The following MYO1B variants were observed in gnomAD, a reference collection of about 807,000 sequenced individuals.
MYO1B encodes the protein myosin IB, also known as unconventional myosin-Ib.
In MYO1B, 72 loss-of-function variants were observed where a neutral mutation model predicts 159.7. The ratio of observed to expected loss-of-function variants is 0.45; its 90% CI spans 0.37 to 0.55. MYO1B has a LOEUF of 0.55. Among genes scored for constraint, MYO1B ranks in the 20% least tolerant of loss-of-function variants. The pLI, the probability that MYO1B is intolerant of heterozygous loss-of-function variation, is 0.00. For missense variants in MYO1B, 1,062 were observed against 1,364.8 expected (o/e 0.78, Z 3.50); for synonymous variants, 468 against 473.8 (o/e 0.99, Z 0.16).
At chr2:191,259,102 G>A (rs1354969885) in intron 1 of MYO1B, among the ~76,000 whole-genome samples, 1 of 152,232 alleles carries the variant, frequency 6.6e-6, no homozygotes, top group Non-Finnish European at 1.5e-5. Flanking sequence ...GCAGCAGCTT[G>A]TGCATGGTGA....
chr2:191,414,225 T>C (rs1014691721), intron 28 of MYO1B, 45 bp downstream of exon 28: 1 of 1,571,704 alleles, frequency 6.4e-7, no homozygotes, highest in Non-Finnish European at 8.6e-7. Context: ...ACCTATTAGT[T>C]GGGATAGTCA....
chr2:191,361,478 AAAG>A (rs1037074229), intron 8 of MYO1B, among the ~76,000 whole-genome samples: 14 of 152,062 alleles, frequency 9.2e-5, no homozygotes, highest in African/African-American at 3.4e-4. Context: ...CAAATAGTTC[AAAG>A]AAGAAGAGCT....
chr2:191,318,742 A>G (rs1367820049), intron 3 of MYO1B, among the ~76,000 whole-genome samples: 1 of 152,232 alleles, frequency 6.6e-6, no homozygotes, highest in East Asian at 1.9e-4. Context: ...TCTGAGATGT[A>G]TTGACATGAC....
In MYO1B at chr2:191,346,255, T is replaced by A. The variant is rs1174847474; in HGVS notation, c.471T>A (p.Thr157=). 1 of 1,572,388 alleles carries A rather than the reference T, an allele frequency of 6.4e-7. No homozygotes were observed. Among genetic ancestry groups the A allele is most frequent in the African/African-American group, 1.4e-5 (1 of 73,990 alleles). The change falls in exon 6 of 31, where the codon ACT becomes ACA. Residue 157 remains threonine, a synonymous_variant. Transcript: ENST00000392318. ...TACTAGCTTTTGGAAATGCCAAAACTGTAAGGAATGACAACTCCTCTAGAT... is the reference window on the plus strand; with the variant it reads ...TACTAGCTTTTGGAAATGCCAAAACAGTAAGGAATGACAACTCCTCTAGAT... ...PVLEAFGNAK[T]VRNDNSSRFG... is the part of the protein sequence containing the mutation.
chr2:191,308,187 T>C (rs1251088692), intron 3 of MYO1B, among the ~76,000 whole-genome samples: 1 of 152,142 alleles, frequency 6.6e-6, no homozygotes, highest in African/African-American at 2.4e-5. Context: ...GGACTTGTTA[T>C]GAATAATACA....
At chr2:191,337,023 T>G (rs1473454908) in intron 4 of MYO1B, among the ~76,000 whole-genome samples, 2 of 152,224 alleles carry the variant, frequency 1.3e-5, no homozygotes, top group East Asian at 3.8e-4. Flanking sequence ...CTGTTACTCC[T>G]GGATAAATTT....
At chr2:191,382,566 A>G (rs2126074580) in intron 14 of MYO1B, among the ~76,000 whole-genome samples, 1 of 152,354 alleles carries the variant, frequency 6.6e-6, no homozygotes, top group South Asian at 2.1e-4. Context: ...AACAGTTTAT[A>G]CAGATTGTTT....
intron 13 of MYO1B, among the ~76,000 whole-genome samples, chr2:191,373,406 A>G (rs1694499929): frequency 6.6e-6 from 1 of 152,202 alleles, no homozygotes; most frequent in Non-Finnish European, 1.5e-5. Flanking sequence ...TCTCTGGAGT[A>G]AACTGCAGAT....
chr2:191,279,137 A>C (rs1687909786), intron 2 of MYO1B, among the ~76,000 whole-genome samples: 1 of 152,258 alleles, frequency 6.6e-6, no homozygotes, highest in Non-Finnish European at 1.5e-5. Flanking sequence ...TTTATAAAAC[A>C]AAAGCAGAAA....
intron 26 of MYO1B, among the ~76,000 whole-genome samples, chr2:191,410,066 T>A (rs2126163220): frequency 6.6e-6 from 1 of 152,290 alleles, no homozygotes; most frequent in African/African-American, 2.4e-5. Flanking sequence ...GGAACTAGAT[T>A]CTGAGTTCTG....
chr2:191,287,917 A>C (rs1362100856), intron 2 of MYO1B, among the ~76,000 whole-genome samples: 7 of 149,898 alleles, frequency 4.7e-5, no homozygotes, highest in Non-Finnish European at 1.0e-4. Flanking sequence ...TTCCAGTCGT[A>C]ACTACTCAGG....
intron 15 of MYO1B, among the ~76,000 whole-genome samples, chr2:191,384,805 A>G (rs949021000): frequency 2.6e-5 from 4 of 152,232 alleles, no homozygotes; most frequent in African/African-American, 4.8e-5. Context: ...ATCTCAGCCA[A>G]AAATCCCCTT....
At chr2:191,367,064 CCT>C (rs1330431897) in intron 11 of MYO1B, among the ~76,000 whole-genome samples, 1 of 152,052 alleles carries the variant, frequency 6.6e-6, no homozygotes, top group Non-Finnish European at 1.5e-5. Context: ...CTGGGCTTTT[CCT>C]CTCTGAGTTT....
intron 2 of MYO1B, among the ~76,000 whole-genome samples, chr2:191,279,629 T>C (rs1687937475): frequency 1.3e-5 from 2 of 152,228 alleles, no homozygotes; most frequent in Admixed American, 1.3e-4. Context: ...ATAATACTCC[T>C]GCTTTGCCTT....
intron 3 of MYO1B, among the ~76,000 whole-genome samples, chr2:191,316,420 C>G (rs940552110): frequency 1.3e-5 from 2 of 152,192 alleles, no homozygotes; most frequent in East Asian, 1.9e-4. Flanking sequence ...CTTTGGGCCT[C>G]GGGAGTTATT....
In MYO1B at chr2:191,320,931, A is replaced by ATC. The variant is rs557323459; in HGVS notation, c.252-9000_252-8999dup. The stretch of plus-strand genomic sequence containing the variant: ...TGCCTTCTGTGATAACCTGAGCCAG[A>ATC]TCTCTGCACTTCCACAGTATATGGT... On this transcript the variant is annotated intron_variant, in intron 3 of 30. Coordinates refer to ENST00000392318, the MANE Select transcript of MYO1B (RefSeq NM_001130158.3). Among the ~76,000 whole-genome samples the ATC allele has an allele frequency of 3.3e-5, 5 of 152,150 alleles. No homozygotes were observed. The South Asian group carries it at 8.3e-4, about 25-fold the overall frequency.
At chr2:191,328,988 ACTC>A (rs1190382843) in intron 3 of MYO1B, among the ~76,000 whole-genome samples, 1 of 152,008 alleles carries the variant, frequency 6.6e-6, no homozygotes, top group Non-Finnish European at 1.5e-5. Flanking sequence ...TTGACGGAGA[ACTC>A]CTGAAAGAAG....
intron 1 of MYO1B, among the ~76,000 whole-genome samples, chr2:191,256,287 G>A (rs1686442803): frequency 6.6e-6 from 1 of 152,162 alleles, no homozygotes; most frequent in South Asian, 2.1e-4. Flanking sequence ...AGCTTAAACG[G>A]TCTGCCTCCA....
chr2:191,311,674 GGACA>G (rs1690010704), intron 3 of MYO1B, among the ~76,000 whole-genome samples: 3 of 152,232 alleles, frequency 2.0e-5, no homozygotes, highest in Admixed American at 2.0e-4. Flanking sequence ...ATTAAAAAAG[GGACA>G]TTCAAAATGG....
Sources: gnomAD v4.1 joint callset for allele counts (sites outside exome capture counted in the v4.1 genomes callset) on GRCh38, gnomAD v4.1.1 for gene constraint, MANE v1.5 for transcripts, NCBI Gene and HGNC (gene_info 2026-07-23, HGNC 2026-07-21) for gene names.